Variants in KLHL6 observed in about 807,000 individuals in gnomAD.
KLHL6 encodes the protein kelch like family member 6, also known as kelch-like protein 6.
In KLHL6, 41 loss-of-function variants were observed where a neutral mutation model predicts 58.6. That is an observed-to-expected ratio of 0.70 (90% CI 0.55 to 0.91). KLHL6 has a LOEUF of 0.91. KLHL6 is among the 40% of genes least tolerant of loss of function. KLHL6 has a pLI of 0.00. For synonymous variants in KLHL6, 338 were observed against 322.7 expected, an observed-to-expected ratio of 1.05 and a Z score of -0.51; for missense variants, 714 against 805.6, an observed-to-expected ratio of 0.89 and a Z score of 1.38.
intron 1 of KLHL6, among the ~76,000 whole-genome samples, chr3:183,530,798 A>G (rs938603081): frequency 1.2e-4 from 18 of 152,042 alleles, no homozygotes; most frequent in African/African-American, 4.3e-4. Flanking sequence ...TTTGACGGTA[A>G]AAAACAATGA....
intron 3 of KLHL6, among the ~76,000 whole-genome samples, chr3:183,500,347 A>G (rs1209488236): frequency 6.6e-6 from 1 of 152,238 alleles, no homozygotes; most frequent in Non-Finnish European, 1.5e-5. Context: ...AGAAGGAATC[A>G]GGGTGTGGCC....
At chr3:183,542,815 A>T (rs1296179201) in intron 1 of KLHL6, among the ~76,000 whole-genome samples, 1 of 152,192 alleles carries the variant, frequency 6.6e-6, no homozygotes, top group African/African-American at 2.4e-5. Context: ...TGCCTGCCAC[A>T]GAGTAGGCAC....
chr3:183,493,595 C>G (rs1036903575), intron 5 of KLHL6: 1 of 160,122 alleles, frequency 6.2e-6, no homozygotes, highest in Non-Finnish European at 1.4e-5. Flanking sequence ...TTACTAAAGT[C>G]TGACATGCAG....
At chr3:183,544,222 G>A (rs956404285) in intron 1 of KLHL6, among the ~76,000 whole-genome samples, 1 of 150,576 alleles carries the variant, frequency 6.6e-6, no homozygotes, top group African/African-American at 2.4e-5. Context: ...TAATTATGGT[G>A]GCCTTAACGT....
At chr3:183,544,749 A>ACACACACACAC (rs1712662773) in intron 1 of KLHL6, 7 of 114,710 alleles carry the variant, frequency 6.1e-5, no homozygotes, top group Admixed American at 1.8e-4. Context: ...CTGTCTCTCA[A>ACACACACACAC]ACACACACAC....
At chr3:183,546,908 A>AGG in intron 1 of KLHL6, among the ~76,000 whole-genome samples, 1 of 120,204 alleles carries the variant, frequency 8.3e-6, no homozygotes, top group East Asian at 2.5e-4. Context: ...CAGTGCCATA[A>AGG]GTCTTTTTTT....
rs1193039107 is a variant in KLHL6, at chr3:183,555,408, T to A, written c.246A>T (p.Glu82Asp). The A allele has an allele frequency of 6.2e-7, 1 of 1,614,158 alleles. No individual in the cohort carries two copies. Among genetic ancestry groups the A allele is most frequent in the Non-Finnish European group, 8.5e-7 (1 of 1,180,018 alleles). Residue 82 changes from glutamate to aspartate, a missense_variant, in exon 1 of 7, where the codon GAA (glutamate) becomes GAT (aspartate). By Grantham distance (45) the Glu-to-Asp change is conservative. Transcript: ENST00000341319. ...CAAGCACCACGCGGTGGCAGGAGAA[T>A]TCCTGAATGTCCACACACAAGATGA... is the stretch of plus-strand genomic sequence containing the variant. ...TDVILCVDIQ[E>D]FSCHRVVLAA...
At position 183,489,636 on chromosome 3, in the gene KLHL6, T is replaced by C. The variant is rs538023075; in HGVS notation, c.*2291A>G. On this transcript the variant is annotated 3_prime_UTR_variant, in exon 7 of 7. Coordinates refer to ENST00000341319, the MANE Select transcript of KLHL6 (RefSeq NM_130446.4). The stretch of plus-strand genomic sequence containing the variant: ...GTTGGGAGCTTCCTGATGGTTATTA[T>C]AGTGCTCATGAGTCAGCAATAGTTT... 3.9e-5 allele frequency: 6 copies of C among 152,336 alleles called. No homozygotes were observed. In the South Asian group the frequency reaches 1.0e-3, roughly 26 times the overall value. 9.4% of individuals were successfully genotyped at this position (152,336 alleles called of 1,614,324 possible).
intron 3 of KLHL6, among the ~76,000 whole-genome samples, chr3:183,501,189 A>G (rs1344923350): frequency 6.6e-6 from 1 of 152,190 alleles, no homozygotes; most frequent in Non-Finnish European, 1.5e-5. Context: ...CAGTGCCGGG[A>G]TAAGGGTGAA....
intron 1 of KLHL6, among the ~76,000 whole-genome samples, chr3:183,542,432 C>T (rs776351792): frequency 2.6e-5 from 4 of 152,170 alleles, no homozygotes; most frequent in Non-Finnish European, 5.9e-5. Flanking sequence ...GGTTACACTG[C>T]GTGGCACCTT....
At chr3:183,531,453 T>TG (rs199733499) in intron 1 of KLHL6, among the ~76,000 whole-genome samples, 3 of 124,154 alleles carry the variant, frequency 2.4e-5, no homozygotes, top group African/African-American at 1.2e-4. Context: ...GTTTTTTTTT[T>TG]TTTTTTTTTT....
At chr3:183,538,257 C>T (rs1712429820) in intron 1 of KLHL6, among the ~76,000 whole-genome samples, 1 of 152,154 alleles carries the variant, frequency 6.6e-6, no homozygotes, top group Admixed American at 6.6e-5. Context: ...CCCAGCCCGA[C>T]TCCATTATAG....
At position 183,491,933 on chromosome 3, in the gene KLHL6, A is replaced by T. The variant is rs1717567526; in HGVS notation, c.1860T>A (p.Ser620=). The stretch of plus-strand genomic sequence containing the variant: ...CCAGCTCCCCATCCTGCCGTCAGAC[A>T]GACACTGCTCCGGGCACGATCCTGC... ...HIRRIVPGAV[S]V The change falls in exon 7 of 7, where the codon TCT becomes TCA. Residue 620 remains serine, a synonymous_variant. Coordinates refer to ENST00000341319, the MANE Select transcript of KLHL6 (RefSeq NM_130446.4). 1 of 1,486,030 alleles carries T rather than the reference A, an allele frequency of 6.7e-7. No homozygotes were observed. The highest frequency in any genetic ancestry group is 9.0e-7 in the Non-Finnish European group (1 of 1,114,548). The allele number at this position is 1,486,030 out of a possible 1,614,324, so 92.1% of individuals were successfully genotyped here. A position where few individuals can be genotyped will look rare whatever the true frequency, so the allele number is the denominator to read the frequency against.
At chr3:183,501,196 T>G in intron 3 of KLHL6, among the ~76,000 whole-genome samples, 1 of 151,624 alleles carries the variant, frequency 6.6e-6, no homozygotes, top group African/African-American at 2.4e-5. Flanking sequence ...GGGATAAGGG[T>G]GAAGGGGTGG....
intron 1 of KLHL6, among the ~76,000 whole-genome samples, chr3:183,549,825 A>G (rs1288343060): frequency 1.3e-5 from 2 of 152,276 alleles, no homozygotes; most frequent in East Asian, 3.9e-4. Flanking sequence ...TTGTAATCCT[A>G]GCACTTTGGG....
chr3:183,547,030 G>A (rs945622814), intron 1 of KLHL6, among the ~76,000 whole-genome samples: 2 of 151,416 alleles, frequency 1.3e-5, no homozygotes, highest in African/African-American at 4.9e-5. Context: ...TCCGGCCTCA[G>A]CCTCCTGAGT....
intron 1 of KLHL6, among the ~76,000 whole-genome samples, chr3:183,532,261 G>A (rs1712187372): frequency 6.6e-6 from 1 of 152,242 alleles, no homozygotes. Flanking sequence ...AAGGCCATGT[G>A]AGGACACAGT....
At chr3:183,537,383 G>C (rs184314784) in intron 1 of KLHL6, among the ~76,000 whole-genome samples, 26 of 152,330 alleles carry the variant, frequency 1.7e-4, no homozygotes, top group African/African-American at 3.6e-4. Flanking sequence ...ACACAGCTGA[G>C]TTGGTTGCTG....
At chr3:183,551,764 G>A (rs1370014524) in intron 1 of KLHL6, among the ~76,000 whole-genome samples, 2 of 152,098 alleles carry the variant, frequency 1.3e-5, no homozygotes, top group African/African-American at 2.4e-5. Context: ...GTTGAAAGTG[G>A]TAGCCTTTGG....
Sources: gnomAD v4.1 joint callset for allele counts (sites outside exome capture counted in the v4.1 genomes callset) on GRCh38, gnomAD v4.1.1 for gene constraint, MANE v1.5 for transcripts, NCBI Gene and HGNC (gene_info 2026-07-23, HGNC 2026-07-21) for gene names.